The following C12orf42 variants were observed in gnomAD, a reference collection of about 807,000 sequenced individuals.
The protein encoded by C12orf42 is chromosome 12 open reading frame 42, also known as uncharacterized protein C12orf42.
A neutral mutation model predicts 21.6 loss-of-function variants in C12orf42; 25 were observed. The observed-to-expected ratio is 1.16, with a 90% CI of 0.84 to 1.62. The LOEUF (loss-of-function observed/expected upper bound fraction) is 1.62. Among genes scored for constraint, C12orf42 ranks in the 40% most tolerant of loss-of-function variants. C12orf42 has a pLI of 0.00. For synonymous variants in C12orf42, 174 were observed against 175.0 expected (o/e 0.99, Z 0.05); for missense variants, 483 against 459.3 (o/e 1.05, Z -0.47).
chr12:103,304,822 A>G (rs1183886523), intron 5 of C12orf42, among the ~76,000 whole-genome samples: 2 of 152,208 alleles, frequency 1.3e-5, no homozygotes, highest in Non-Finnish European at 2.9e-5. Context: ...TTCTGGAAGA[A>G]GGTCTCCCAG....
the C12orf42 span, among the ~76,000 whole-genome samples, chr12:103,189,971 G>GTATATA: frequency 2.5e-3 from 371 of 150,876 alleles, 1 homozygote; most frequent in Middle Eastern, 0.014. Context: ...ATATACATGT[G>GTATATA]TATATATATA....
At chr12:103,274,496 T>C (rs1335888271) in intron 5 of C12orf42, among the ~76,000 whole-genome samples, 1 of 152,220 alleles carries the variant, frequency 6.6e-6, no homozygotes, top group Admixed American at 6.5e-5. Context: ...TCTCAGTCTA[T>C]AGAGCTAGAA....
chr12:103,233,739 AT>A (rs1283258499), downstream of C12orf42, among the ~76,000 whole-genome samples: 3 of 152,120 alleles, frequency 2.0e-5, no homozygotes, highest in Non-Finnish European at 2.9e-5. Flanking sequence ...CTTTACAGAT[AT>A]TTTTACAGAG....
chr12:103,465,631 A>G (rs1472340051), intron 2 of C12orf42, among the ~76,000 whole-genome samples: 1 of 152,136 alleles, frequency 6.6e-6, no homozygotes, highest in East Asian at 1.9e-4. Context: ...AACTTCCAAT[A>G]CTATGTTGAA....
At chr12:103,049,203 C>T in the C12orf42 span, among the ~76,000 whole-genome samples, 3 of 152,174 alleles carry the variant, frequency 2.0e-5, no homozygotes, top group Non-Finnish European at 4.4e-5. Flanking sequence ...ATGTCCACAA[C>T]AAAAATCGTG....
At chr12:103,188,908 G>A in the C12orf42 span, among the ~76,000 whole-genome samples, 629 of 152,248 alleles carry the variant, frequency 4.1e-3, 1 homozygote, top group Non-Finnish European at 6.5e-3. Flanking sequence ...ACAAAATATG[G>A]CTAATATGAA....
At chr12:103,168,465 A>G in the C12orf42 span, among the ~76,000 whole-genome samples, 1 of 152,216 alleles carries the variant, frequency 6.6e-6, no homozygotes, top group African/African-American at 2.4e-5. Context: ...TCACCTAAAT[A>G]CATTATTCTC....
At position 103,467,085 on chromosome 12, in the gene C12orf42, C is replaced by A. The variant is rs80016370; in HGVS notation, c.78+11264G>T. 0.021 allele frequency among the ~76,000 whole-genome samples: 3,146 copies of A among 152,254 alleles called. 234 individuals are homozygous for A. The East Asian group carries it at 0.25, about 12-fold the overall frequency. On this transcript the variant is annotated intron_variant, in intron 2 of 5. Coordinates refer to ENST00000548883, the MANE Select transcript of C12orf42 (RefSeq NM_198521.5). The stretch of plus-strand genomic sequence containing the variant: ...GACCAAAGTAGCTGAACCTCTCAAA[C>A]ACCTGAGCAAAATAAATATTTACCG...
At chr12:103,388,174 G>A (rs1017565688) in intron 3 of C12orf42, among the ~76,000 whole-genome samples, 4 of 152,192 alleles carry the variant, frequency 2.6e-5, no homozygotes, top group Non-Finnish European at 5.9e-5. Flanking sequence ...CAGAGAAGGG[G>A]GGGTGATAAC....
the C12orf42 span, among the ~76,000 whole-genome samples, chr12:103,547,588 G>A: frequency 6.6e-6 from 1 of 151,194 alleles, no homozygotes; most frequent in Non-Finnish European, 1.5e-5. Flanking sequence ...CTGCCTTCAA[G>A]TAGTTTATAA....
chr12:103,462,720 G>A (rs1952820323), intron 2 of C12orf42, among the ~76,000 whole-genome samples: 1 of 152,090 alleles, frequency 6.6e-6, no homozygotes, highest in East Asian at 1.9e-4. Flanking sequence ...AGAAAATCTA[G>A]GCATGTCTGC....
the C12orf42 span, among the ~76,000 whole-genome samples, chr12:103,229,409 C>T: frequency 6.6e-6 from 1 of 152,118 alleles, no homozygotes; most frequent in African/African-American, 2.4e-5. Flanking sequence ...AACACAAAAG[C>T]AAGGCAGTGG....
chr12:103,353,533 G>C (rs541152400), intron 4 of C12orf42, among the ~76,000 whole-genome samples: 1 of 152,178 alleles, frequency 6.6e-6, no homozygotes, highest in Non-Finnish European at 1.5e-5. Context: ...AAGAGAAAGA[G>C]TGTTTATGTG....
At chr12:103,119,794 C>T in the C12orf42 span, among the ~76,000 whole-genome samples, 1 of 152,168 alleles carries the variant, frequency 6.6e-6, no homozygotes. Flanking sequence ...TATATGAAGC[C>T]ACCATTTCTT....
chr12:103,394,559 A>G (rs956670330), intron 3 of C12orf42, among the ~76,000 whole-genome samples: 9 of 152,232 alleles, frequency 5.9e-5, no homozygotes, highest in African/African-American at 1.9e-4. Context: ...TTTAACTATA[A>G]TCGCTGATTT....
At chr12:103,290,711 A>T (rs2036751687) in intron 4 of C12orf42, among the ~76,000 whole-genome samples, 1 of 152,194 alleles carries the variant, frequency 6.6e-6, no homozygotes. Context: ...ATAGAAAGGT[A>T]AGTGCAATTT....
At chr12:103,497,098 A>G (rs565931703), upstream of C12orf42, among the ~76,000 whole-genome samples, 1 of 152,268 alleles carries the variant, frequency 6.6e-6, no homozygotes, top group African/African-American at 2.4e-5. Flanking sequence ...ATTAAAATGC[A>G]TTTTTTTAAA....
intron 6 of C12orf42, chr12:103,269,781 C>G (rs1178544643): frequency 6.6e-6 from 1 of 152,236 alleles, no homozygotes; most frequent in Non-Finnish European, 1.5e-5. Flanking sequence ...GGTAAGGATG[C>G]AACGGGTGTC....
intron 4 of C12orf42, among the ~76,000 whole-genome samples, chr12:103,365,717 C>T (rs2044539494): frequency 6.6e-6 from 1 of 152,032 alleles, no homozygotes; most frequent in Non-Finnish European, 1.5e-5. Flanking sequence ...AAACTCAACC[C>T]TTTTTACAGT....
Sources: gnomAD v4.1 joint callset for allele counts (sites outside exome capture counted in the v4.1 genomes callset) on GRCh38, gnomAD v4.1.1 for gene constraint, MANE v1.5 for transcripts, NCBI Gene and HGNC (gene_info 2026-07-23, HGNC 2026-07-21) for gene names.